Variants in FAAH observed in about 807,000 individuals in gnomAD.
FAAH encodes fatty acid amide hydrolase.
Under a neutral mutation model 69.7 loss-of-function variants are expected in FAAH, and 63 were observed. The ratio of observed to expected loss-of-function variants is 0.90; its 90% CI spans 0.74 to 1.12. FAAH has a LOEUF of 1.12. FAAH is among the 50% of genes most tolerant of loss of function. FAAH has a pLI of 0.00. For synonymous variants in FAAH, 305 were observed against 324.2 expected (o/e 0.94, Z 0.64); for missense variants, 680 against 755.0 (o/e 0.90, Z 1.16).
At position 46,394,467 on chromosome 1, in the gene FAAH, C is replaced by A; in HGVS notation, c.119C>A (p.Ala40Glu). The A allele has an allele frequency of 7.2e-7, 1 of 1,382,232 alleles. No individual in the cohort carries two copies. The highest frequency in any genetic ancestry group is 1.7e-5 in the South Asian group (1 of 59,010). 85.6% of individuals were successfully genotyped at this position (1,382,232 alleles called of 1,614,324 possible). The change falls in exon 1 of 15, where the codon GCG becomes GAG. Residue 40 changes from alanine (A) to glutamate (E), a missense_variant. Physicochemically the swap from Ala to Glu is moderately radical, Grantham distance 107 (BLOSUM62 -1). Transcript: ENST00000243167. ...TCCGGGCGCCGGACGGCGCGGGGCG[C>A]GGTGGTCCGGGCGCGACAGAGGCAG... ...RWSGRRTARG[A>E]VVRARQRQRA...
intron 1 of FAAH, among the ~76,000 whole-genome samples, chr1:46,395,263 A>C (rs1224671069): frequency 2.0e-5 from 3 of 152,146 alleles, no homozygotes; most frequent in African/African-American, 7.2e-5. Context: ...GTGCATTTGG[A>C]TCCTAAGAGG....
rs1021627355 is a variant in FAAH, at chr1:46,405,227, G to A, written c.444+79G>A. The A allele has an allele frequency of 6.2e-7, 1 of 1,612,198 alleles. No individual in the cohort carries two copies. Among genetic ancestry groups the A allele is most frequent in the African/African-American group, 1.3e-5 (1 of 75,022 alleles). On this transcript the variant is annotated intron_variant, in intron 3 of 14. Transcript: ENST00000243167. This position sits in a 1 kb window ranked among gnomAD's most constrained non-coding sequence, Gnocchi z 4.1. ...TGCTCTGCATCTTGGGTCATTTTGG[G>A]CCCTTAGAGGAGGTATCAGGTCCAG... is the stretch of plus-strand genomic sequence containing the variant.
At position 46,405,749 on chromosome 1, in the gene FAAH, CCTT is replaced by C. The variant is rs1349951930; in HGVS notation, c.743_745del (p.Phe248del). On this transcript the variant is annotated inframe_deletion, in exon 5 of 15. Transcript: ENST00000243167. The surrounding 1 kb of genome is among the most constrained non-coding windows in gnomAD (Gnocchi z 4.1). ...GGAGGCAGCATCCGCTTCCCCTCCT[CCTT>C]CTGCGGCATCTGCGGCCTCAAGCCC... The C allele has an allele frequency of 6.2e-7, 1 of 1,613,422 alleles. No individual in the cohort carries two copies. The highest frequency in any genetic ancestry group is 8.5e-7 in the Non-Finnish European group (1 of 1,180,048).
intron 7 of FAAH, among the ~76,000 whole-genome samples, chr1:46,406,897 C>A (rs1664809810): frequency 6.6e-6 from 1 of 152,166 alleles, no homozygotes; most frequent in African/African-American, 2.4e-5. Flanking sequence ...TGAGTTACCG[C>A]GCCGGCCGGA....
chr1:46,410,621 T>G lies in FAAH; in HGVS notation c.1275+124T>G. Reference sequence around the variant, plus strand: ...TGGGCAGGCATGGCCTCCTCTTCTCTCCAGTCCCCACCCAGACTGCTCTCC... The same window carrying G: ...TGGGCAGGCATGGCCTCCTCTTCTCGCCAGTCCCCACCCAGACTGCTCTCC... On this transcript the variant is annotated intron_variant, in intron 10 of 14. Transcript: ENST00000243167. The surrounding 1 kb of genome is among the most constrained non-coding windows in gnomAD (Gnocchi z 4.9). The G allele has an allele frequency of 9.2e-7, 1 of 1,091,414 alleles. No individual in the cohort carries two copies. The highest frequency in any genetic ancestry group is 1.4e-6 in the Non-Finnish European group (1 of 714,316). 67.6% of individuals were successfully genotyped at this position (1,091,414 alleles called of 1,614,324 possible).
intron 2 of FAAH, among the ~76,000 whole-genome samples, chr1:46,403,440 T>G (rs1050985099): frequency 6.6e-6 from 1 of 152,222 alleles, no homozygotes; most frequent in African/African-American, 2.4e-5. Context: ...CCATCCCCTT[T>G]GGCCACCCTG....
At chr1:46,397,534 G>C (rs2148443818) in intron 1 of FAAH, among the ~76,000 whole-genome samples, 1 of 152,116 alleles carries the variant, frequency 6.6e-6, no homozygotes, top group East Asian at 1.9e-4. Context: ...CTTTGCGGGG[G>C]AGTAGGATTT....
intron 1 of FAAH, among the ~76,000 whole-genome samples, chr1:46,397,903 C>T (rs868608648): frequency 2.7e-5 from 4 of 149,014 alleles, no homozygotes; most frequent in East Asian, 2.0e-4. Flanking sequence ...TAAACGGTTT[C>T]GTCATGTTGG....
chr1:46,406,079 G>A lies in FAAH; in HGVS notation c.826+1G>A. ...GGCTGTGTCTATGGACAGGAGGCAG[G>A]TGAGGTCCGTGGTGCTCTCAGTGCC... On this transcript the variant is annotated splice_donor_variant, in intron 6 of 14. Coordinates refer to ENST00000243167, the MANE Select transcript of FAAH (RefSeq NM_001441.3). LOFTEE classifies it high-confidence loss of function. 6.2e-7 allele frequency: 1 copy of A among 1,614,228 alleles called. No homozygotes were observed. The highest frequency in any genetic ancestry group is 8.5e-7 in the Non-Finnish European group (1 of 1,180,040).
chr1:46,411,592 AC>A lies in FAAH; in HGVS notation c.1317-18del. 6.2e-7 allele frequency: 1 copy of A among 1,613,028 alleles called. No individual in the cohort carries two copies. The highest frequency in any genetic ancestry group is 8.5e-7 in the Non-Finnish European group (1 of 1,179,768). On this transcript the variant is annotated intron_variant, in intron 11 of 14. Transcript: ENST00000243167. This position sits in a 1 kb window ranked among gnomAD's most constrained non-coding sequence, Gnocchi z 4.8. ...GTGGCTGTGACCATCATGGCTGGTGACCACACTCCTTCTGCCCAGTTCGGCT... is the reference window on the plus strand; with the variant it reads ...GTGGCTGTGACCATCATGGCTGGTGACACACTCCTTCTGCCCAGTTCGGCT...
rs199548532 is a variant in FAAH, at chr1:46,410,860, G to A, written c.1316+6G>A. ...CTCAGCAACATGAAGTCTCGGTAAG[G>A]GTTCTTCTGTGTCTAGCTGCCGGCC... On this transcript the variant is annotated splice_donor_region_variant and intron_variant, in intron 11 of 14. Coordinates refer to ENST00000243167, the MANE Select transcript of FAAH (RefSeq NM_001441.3). The surrounding 1 kb of genome is among the most constrained non-coding windows in gnomAD (Gnocchi z 4.9). 3 of 1,614,180 alleles carry A rather than the reference G, an allele frequency of 1.9e-6. No individual in the cohort carries two copies. The highest frequency in any genetic ancestry group is 2.5e-6 in the Non-Finnish European group (3 of 1,180,024).
At position 46,394,528 on chromosome 1, in the gene FAAH, G is replaced by A. The variant is rs1664562047; in HGVS notation, c.180G>A (p.Gln60=). The A allele has an allele frequency of 6.6e-6, 9 of 1,370,428 alleles. No homozygotes were observed. In the East Asian group the frequency reaches 2.8e-4, roughly 42 times the overall value. 84.9% of individuals were successfully genotyped at this position (1,370,428 alleles called of 1,614,324 possible). The change falls in exon 1 of 15, where the codon CAG becomes CAA. Residue 60 remains glutamine, a synonymous_variant. Coordinates refer to ENST00000243167, the MANE Select transcript of FAAH (RefSeq NM_001441.3). ...AGLENMDRAA[Q]RFRLQNPDLD... ...TGGAGAACATGGACAGGGCGGCGCA[G>A]CGCTTCCGGCTCCAGGTGACTGCCG...
In FAAH at chr1:46,411,989, T is replaced by A. The variant is rs886215673; in HGVS notation, c.1357-154T>A. 2.0e-5 allele frequency among the ~76,000 whole-genome samples: 3 copies of A among 152,258 alleles called. No individual in the cohort carries two copies. Among genetic ancestry groups the A allele is most frequent in the Non-Finnish European group, 4.4e-5 (3 of 68,044 alleles). On this transcript the variant is annotated intron_variant, in intron 12 of 14. Transcript: ENST00000243167. The surrounding 1 kb of genome is among the most constrained non-coding windows in gnomAD (Gnocchi z 4.8). ...ACTGATGCCCTCTGAGAGGCAGCAC[T>A]GCCTGCCCGGAGGACCTGTGTCCCA...
chr1:46,401,856 G>A lies in FAAH; in HGVS notation c.196-235G>A, dbSNP rs535884921. 3.9e-5 allele frequency among the ~76,000 whole-genome samples: 6 copies of A among 152,236 alleles called. No homozygotes were observed. The East Asian group carries it at 1.2e-3, about 29-fold the overall frequency. ...AGCCCAGGAGTTCAAGTCTAGCCTG[G>A]GCAACACGGCCAGACACTGTCTCTA... On this transcript the variant is annotated intron_variant, in intron 1 of 14. Coordinates refer to ENST00000243167, the MANE Select transcript of FAAH (RefSeq NM_001441.3).
chr1:46,405,819 G>A lies in FAAH; in HGVS notation c.785+25G>A, dbSNP rs1664783581. On this transcript the variant is annotated intron_variant, in intron 5 of 14. Transcript: ENST00000243167. This position sits in a 1 kb window ranked among gnomAD's most constrained non-coding sequence, Gnocchi z 4.1. ...GGTAAGGTGGGTGGAGGGCGCTTCTGGGCCCCTCGCTGTGTGACCTTGGCC... is the reference window on the plus strand; with the variant it reads ...GGTAAGGTGGGTGGAGGGCGCTTCTAGGCCCCTCGCTGTGTGACCTTGGCC... 6.2e-7 allele frequency: 1 copy of A among 1,612,278 alleles called. No individual in the cohort carries two copies. Among genetic ancestry groups the A allele is most frequent in the Non-Finnish European group, 8.5e-7 (1 of 1,179,572 alleles).
At chr1:46,408,231 C>T (rs873978) in intron 7 of FAAH, among the ~76,000 whole-genome samples, 8,464 of 152,206 alleles carry the variant, frequency 0.056, 612 homozygotes, top group East Asian at 0.31. Context: ...CTATTGAGAC[C>T]TCAAGCCTCA....
At chr1:46,402,001 C>A in intron 1 of FAAH, 90 bp from the exon 2 acceptor site, 1 of 1,105,824 alleles carries the variant, frequency 9.0e-7, no homozygotes, top group Non-Finnish European at 1.3e-6. Context: ...TGGGCCATGT[C>A]AGAGCTGCTG....
Position 46,394,415 on chromosome 1 carries a change from G to A in FAAH, c.67G>A (p.Val23Met). The A allele has an allele frequency of 2.0e-6, 3 of 1,482,986 alleles. No individual in the cohort carries two copies. Among genetic ancestry groups the A allele is most frequent in the Non-Finnish European group, 1.8e-6 (2 of 1,120,472 alleles). 91.9% of individuals were successfully genotyped at this position (1,482,986 alleles called of 1,614,324 possible). Residue 23 changes from valine (V) to methionine (M), a missense_variant, in exon 1 of 15, where the codon GTG becomes ATG. Transcript: ENST00000243167. ...CGGGGTCGCCCTGGCCTGCTGCTTC[G>A]TGGCGGCGGCCGTGGCCCTGCGCTG... Reference protein sequence around the residue: ...ASGVALACCFVAAAVALRWSG... With the variant: ...ASGVALACCFMAAAVALRWSG...
chr1:46,396,140 C>A (rs958382877), intron 1 of FAAH, among the ~76,000 whole-genome samples: 8 of 152,044 alleles, frequency 5.3e-5, no homozygotes, highest in African/African-American at 1.9e-4. Flanking sequence ...GCAAAGGACT[C>A]TGTGTCATAA....
Sources: gnomAD v4.1 joint callset for allele counts (sites outside exome capture counted in the v4.1 genomes callset) on GRCh38, gnomAD v4.1.1 for gene constraint, Gnocchi (gnomAD v3.1) non-coding constraint, MANE v1.5 for transcripts, NCBI Gene and HGNC (gene_info 2026-07-23, HGNC 2026-07-21) for gene names.